PPP1R36: variants seen among roughly 807,000 people sequenced by gnomAD.
PPP1R36 encodes protein phosphatase 1 regulatory subunit 36.
Under a neutral mutation model 53.4 loss-of-function variants are expected in PPP1R36, and 47 were observed. The ratio of observed to expected loss-of-function variants is 0.88; its 90% CI spans 0.70 to 1.12. The LOEUF is 1.12. Ranked by LOEUF, PPP1R36 falls within the 50% of genes most tolerant of loss-of-function variation. PPP1R36 has a pLI of 0.00. For synonymous variants in PPP1R36, 153 were observed against 170.5 expected (o/e 0.90, Z 0.80); for missense variants, 456 against 513.9 (o/e 0.89, Z 1.09).
At chr14:64,576,692 C>T (rs995979914) in intron 8 of PPP1R36, among the ~76,000 whole-genome samples, 1 of 152,170 alleles carries the variant, frequency 6.6e-6, no homozygotes, top group Non-Finnish European at 1.5e-5. Context: ...TTCCAAGGCC[C>T]AGCATCTCTG....
intron 7 of PPP1R36, among the ~76,000 whole-genome samples, chr14:64,572,708 T>A (rs1412163248): frequency 1.3e-5 from 2 of 152,240 alleles, no homozygotes; most frequent in African/African-American, 2.4e-5. Flanking sequence ...GTATCCCCAG[T>A]GATTCTTTCA....
chr14:64,588,077 C>T (rs1361050601), intron 10 of PPP1R36, 27 bp from the exon 11 acceptor site: 1 of 1,572,942 alleles, frequency 6.4e-7, no homozygotes, highest in East Asian at 2.3e-5. Flanking sequence ...GGTGATATGA[C>T]CTAAATGTCA....
intron 8 of PPP1R36, among the ~76,000 whole-genome samples, chr14:64,581,035 T>C (rs568760437): frequency 1.4e-4 from 21 of 152,310 alleles, no homozygotes; most frequent in African/African-American, 5.1e-4. Flanking sequence ...CAGGCAGCTC[T>C]CACTTAAGAC....
In PPP1R36 at chr14:64,554,240, C is replaced by T. The variant is rs144642228; in HGVS notation, c.182+1379C>T. On this transcript the variant is annotated intron_variant, in intron 3 of 11. Coordinates refer to ENST00000298705, the MANE Select transcript of PPP1R36 (RefSeq NM_172365.3). Reference sequence around the variant, plus strand: ...GGTCCTGGCTCACGGCAACCTCCCCCTCCCGGGTTCAAGCGATTCTCTTGC... The same window carrying T: ...GGTCCTGGCTCACGGCAACCTCCCCTTCCCGGGTTCAAGCGATTCTCTTGC... 9.6e-3 allele frequency among the ~76,000 whole-genome samples: 1,445 copies of T among 151,212 alleles called. 22 individuals carry two copies. Among genetic ancestry groups the T allele is most frequent in the African/African-American group, 0.032 (1,293 of 41,038 alleles).
At chr14:64,585,869 G>A (rs2080429068) in intron 8 of PPP1R36, among the ~76,000 whole-genome samples, 3 of 152,190 alleles carry the variant, frequency 2.0e-5, no homozygotes, top group African/African-American at 7.2e-5. Context: ...GGTTTCCTAG[G>A]CTGGGAGTCA....
chr14:64,583,071 A>T (rs60219035), intron 8 of PPP1R36, among the ~76,000 whole-genome samples: 15 of 127,624 alleles, frequency 1.2e-4, no homozygotes, highest in Admixed American at 3.8e-4. Flanking sequence ...ATATATATAT[A>T]TATATTTTTT....
At chr14:64,573,702 C>T (rs974451971) in intron 7 of PPP1R36, among the ~76,000 whole-genome samples, 1 of 151,552 alleles carries the variant, frequency 6.6e-6, no homozygotes, top group Non-Finnish European at 1.5e-5. Flanking sequence ...CACTTGAGGT[C>T]GGGAGTTCAA....
At chr14:64,561,887 T>C (rs541867019) in intron 3 of PPP1R36, 2 of 453,944 alleles carry the variant, frequency 4.4e-6, no homozygotes, top group South Asian at 3.1e-5. Context: ...AACCCTACTC[T>C]TTCGTCATGG....
At chr14:64,588,622 A>C (rs1170565960) in intron 11 of PPP1R36, 1 of 223,044 alleles carries the variant, frequency 4.5e-6, no homozygotes, top group East Asian at 8.9e-5. Context: ...GTGCAATGGC[A>C]CAATCTCGGC....
At chr14:64,569,730 TC>T (rs1444970071) in intron 7 of PPP1R36, among the ~76,000 whole-genome samples, 4 of 152,068 alleles carry the variant, frequency 2.6e-5, no homozygotes, top group Non-Finnish European at 5.9e-5. Flanking sequence ...TTGTTTAATT[TC>T]TTTTTTCTTT....
chr14:64,585,841 G>A (rs1047443211), intron 8 of PPP1R36, among the ~76,000 whole-genome samples: 16 of 152,226 alleles, frequency 1.1e-4, no homozygotes, highest in African/African-American at 3.6e-4. Flanking sequence ...ACTCTCAAGG[G>A]CTCCCCAGAC....
At chr14:64,560,008 G>A (rs2080192249) in intron 3 of PPP1R36, among the ~76,000 whole-genome samples, 1 of 148,032 alleles carries the variant, frequency 6.8e-6, no homozygotes, top group African/African-American at 2.5e-5. Context: ...AAGGCCTGAG[G>A]CAGGAGAATT....
chr14:64,550,791 G>GT (rs1416055538), intron 1 of PPP1R36, 130 bp from the exon 2 acceptor site: 1 of 664,048 alleles, frequency 1.5e-6, no homozygotes, highest in African/African-American at 1.8e-5. Flanking sequence ...AGGAACCATT[G>GT]TTTTTTGTTT....
At chr14:64,569,054 A>G (rs897550463) in intron 7 of PPP1R36, among the ~76,000 whole-genome samples, 7 of 152,164 alleles carry the variant, frequency 4.6e-5, no homozygotes, top group Admixed American at 2.0e-4. Flanking sequence ...AAAAATTAAT[A>G]TATTTGGCCA....
chr14:64,585,439 C>T (rs1023871895), intron 8 of PPP1R36, among the ~76,000 whole-genome samples: 10 of 147,750 alleles, frequency 6.8e-5, no homozygotes, highest in African/African-American at 2.3e-4. Flanking sequence ...TCACCTAAGC[C>T]TGGGGAGGTC....
At chr14:64,576,361 A>C (rs779632495) in intron 8 of PPP1R36, among the ~76,000 whole-genome samples, 1 of 152,162 alleles carries the variant, frequency 6.6e-6, no homozygotes, top group Non-Finnish European at 1.5e-5. Context: ...GATTACGGGC[A>C]TGAGCCACGG....
chr14:64,560,441 G>GCA (rs1555351515), intron 3 of PPP1R36, among the ~76,000 whole-genome samples: 4 of 117,984 alleles, frequency 3.4e-5, no homozygotes, highest in African/African-American at 6.8e-5. Context: ...CCTATCTCAA[G>GCA]AAAAAAAAAA....
At chr14:64,551,647 G>T (rs1306939821) in intron 2 of PPP1R36, 1 of 456,212 alleles carries the variant, frequency 2.2e-6, no homozygotes. Context: ...AAGAAACAAG[G>T]CTCAGGGAGA....
chr14:64,551,847 AG>A (rs1395028662), intron 2 of PPP1R36, among the ~76,000 whole-genome samples: 1 of 152,216 alleles, frequency 6.6e-6, no homozygotes, highest in African/African-American at 2.4e-5. Flanking sequence ...CTTCTTCAGT[AG>A]GTACTCAACA....
Sources: gnomAD v4.1 joint callset for allele counts (sites outside exome capture counted in the v4.1 genomes callset) on GRCh38, gnomAD v4.1.1 for gene constraint, MANE v1.5 for transcripts, NCBI Gene and HGNC (gene_info 2026-07-23, HGNC 2026-07-21) for gene names.